Variants in ZC3H12B observed in about 807,000 individuals in gnomAD.
The protein encoded by ZC3H12B is probable ribonuclease ZC3H12B.
ZC3H12B carries 7 observed loss-of-function variants against 43.9 expected under a neutral mutation model. The ratio of observed to expected loss-of-function variants is 0.16; its 90% CI spans 0.09 to 0.30. The LOEUF is 0.30. ZC3H12B is among the 10% of genes least tolerant of loss of function. ZC3H12B has a pLI of 1.00. For missense variants in ZC3H12B, 475 were observed against 670.2 expected (o/e 0.71, Z 3.22); for synonymous variants, 222 against 241.7 (o/e 0.92, Z 0.76).
intron 2 of ZC3H12B, among the ~76,000 whole-genome samples, chrX:65,392,235 G>A (rs1445212214): frequency 1.8e-5 from 2 of 111,235 alleles, no homozygotes. Flanking sequence ...AATCATCTGG[G>A]ATGTGAGGAG....
chrX:65,336,567 T>G, the ZC3H12B span, among the ~76,000 whole-genome samples: 1 of 112,287 alleles, frequency 8.9e-6, no homozygotes, highest in African/African-American at 3.2e-5. Context: ...CATCTTTAAT[T>G]TATTCGAAGT....
At chrX:65,165,341 C>T in the ZC3H12B span, among the ~76,000 whole-genome samples, 13 of 111,852 alleles carry the variant, frequency 1.2e-4, no homozygotes, top group Non-Finnish European at 2.1e-4. Context: ...TATACATGTG[C>T]CATGGTGGTT....
chrX:65,090,368 G>T, the ZC3H12B span, among the ~76,000 whole-genome samples: 3 of 111,813 alleles, frequency 2.7e-5, no homozygotes, highest in Admixed American at 2.8e-4. Context: ...TAGGCCTCTT[G>T]TCTCATATTC....
intron 3 of ZC3H12B, among the ~76,000 whole-genome samples, chrX:65,442,872 C>T (rs1218420741): frequency 1.8e-5 from 2 of 111,723 alleles, no homozygotes; most frequent in Non-Finnish European, 3.8e-5. Flanking sequence ...AAATCACCCT[C>T]TCGTCTAGCT....
the ZC3H12B span, among the ~76,000 whole-genome samples, chrX:65,118,794 C>G: frequency 1.0e-5 from 1 of 99,767 alleles, no homozygotes; most frequent in Admixed American, 1.1e-4. Context: ...AATGCTATCC[C>G]TCCCCACCCC....
At chrX:65,498,760 A>G (rs900533748) in intron 2 of ZC3H12B, among the ~76,000 whole-genome samples, 5 of 112,142 alleles carry the variant, frequency 4.5e-5, no homozygotes, top group African/African-American at 1.6e-4. Flanking sequence ...TAAAACTCAA[A>G]TGTCATTGAA....
intron 3 of ZC3H12B, among the ~76,000 whole-genome samples, chrX:65,479,366 T>A (rs936246470): frequency 1.0e-5 from 1 of 97,989 alleles, no homozygotes; most frequent in African/African-American, 4.9e-5. Context: ...ACACTATTTG[T>A]ATTTTTTTTT....
chrX:65,408,442 T>G lies in ZC3H12B; in HGVS notation n.407+9738T>G, dbSNP rs140809255. 7,274 of 1,208,615 alleles carry G rather than the reference T, an allele frequency of 6.0e-3. 24 individuals are homozygous for G. The highest frequency in any genetic ancestry group is 7.4e-3 in the Non-Finnish European group (6,573 of 893,808). The stretch of plus-strand genomic sequence containing the variant: ...AACAGGTGACCATGGCAGAGTTGAA[T>G]GCCATCATCGGGCAGCAGCAGTTGC... On this transcript the variant is annotated intron_variant and non_coding_transcript_variant, in intron 3 of 5. Coordinates refer to the ZC3H12B transcript ENST00000617377.
chrX:65,184,579 C>T, the ZC3H12B span, among the ~76,000 whole-genome samples: 310 of 111,439 alleles, frequency 2.8e-3, 3 homozygotes, highest in African/African-American at 9.6e-3. Flanking sequence ...TAAACAGTAA[C>T]GTGTAAATTG....
chrX:65,387,488 G>T (rs765534871), intron 2 of ZC3H12B, among the ~76,000 whole-genome samples: 86 of 111,524 alleles, frequency 7.7e-4, no homozygotes, highest in Non-Finnish European at 9.6e-4. Flanking sequence ...TTTTCCATTT[G>T]CTTGGTAGAT....
the ZC3H12B span, among the ~76,000 whole-genome samples, chrX:65,354,387 A>G: frequency 1.8e-5 from 2 of 112,161 alleles, no homozygotes; most frequent in Admixed American, 9.4e-5. Flanking sequence ...TAGAAGGAAA[A>G]CTAACAAACA....
chrX:65,108,128 G>A, the ZC3H12B span, among the ~76,000 whole-genome samples: 1 of 111,338 alleles, frequency 9.0e-6, no homozygotes, highest in Non-Finnish European at 1.9e-5. Flanking sequence ...GGGTATGTCA[G>A]TGAGTGAGTG....
chrX:65,229,536 G>A, the ZC3H12B span, among the ~76,000 whole-genome samples: 1 of 111,271 alleles, frequency 9.0e-6, no homozygotes, highest in African/African-American at 3.3e-5. Context: ...TGACAAGTGG[G>A]ATCCAATTAA....
chrX:65,196,149 C>T, the ZC3H12B span, among the ~76,000 whole-genome samples: 1 of 103,310 alleles, frequency 9.7e-6, no homozygotes, highest in Non-Finnish European at 2.0e-5. Flanking sequence ...CTAGTGCCCC[C>T]TCGAAAGGTG....
chrX:65,257,452 G>A, the ZC3H12B span, among the ~76,000 whole-genome samples: 1 of 110,523 alleles, frequency 9.0e-6, no homozygotes, highest in South Asian at 3.9e-4. Context: ...AGGGCCTGTG[G>A]GGGGTGGGGA....
chrX:65,182,245 C>T, the ZC3H12B span, among the ~76,000 whole-genome samples: 1 of 110,350 alleles, frequency 9.1e-6, no homozygotes, highest in African/African-American at 3.3e-5. Flanking sequence ...CACACTAGTG[C>T]CTGTTGGGAG....
chrX:65,117,779 T>C, the ZC3H12B span, among the ~76,000 whole-genome samples: 1 of 112,186 alleles, frequency 8.9e-6, no homozygotes, highest in East Asian at 2.8e-4. Context: ...TTTCTACATA[T>C]GGCTATCCAG....
At chrX:65,497,403 ATTTG>A in intron 2 of ZC3H12B, 132 bp downstream of exon 7, 1 of 612,266 alleles carries the variant, frequency 1.6e-6, no homozygotes, top group African/African-American at 2.3e-5. Flanking sequence ...TTAAGCATAT[ATTTG>A]AAAAAAGATT....
At chrX:65,229,447 G>A in the ZC3H12B span, among the ~76,000 whole-genome samples, 9 of 107,704 alleles carry the variant, frequency 8.4e-5, no homozygotes, top group East Asian at 2.7e-3. Context: ...GAAAACCTAG[G>A]CATTACCATT....
Sources: gnomAD v4.1 joint callset for allele counts (sites outside exome capture counted in the v4.1 genomes callset) on GRCh38, gnomAD v4.1.1 for gene constraint, MANE v1.5 for transcripts, NCBI Gene and HGNC (gene_info 2026-07-23, HGNC 2026-07-21) for gene names.